The following DCAF1 variants were observed in gnomAD, a reference collection of about 807,000 sequenced individuals.
The protein encoded by DCAF1 is DDB1- and CUL4-associated factor 1.
DCAF1 carries 15 observed loss-of-function variants against 128.0 expected under a neutral mutation model. The observed-to-expected ratio is 0.12, with a 90% CI of 0.08 to 0.18. The LOEUF (loss-of-function observed/expected upper bound fraction) is 0.18. Ranked by LOEUF, DCAF1 falls within the 10% of genes least tolerant of loss-of-function variation. The pLI is 1.00. For missense variants in DCAF1, 988 were observed against 1,649.5 expected, an observed-to-expected ratio of 0.60 and a Z score of 6.95; for synonymous variants, 610 against 603.0, an observed-to-expected ratio of 1.01 and a Z score of -0.17.
intron 18 of DCAF1, among the ~76,000 whole-genome samples, chr3:51,416,451 A>C (rs1298828567): frequency 6.6e-6 from 1 of 152,164 alleles, no homozygotes; most frequent in Non-Finnish European, 1.5e-5. Context: ...TTTTCTCTGA[A>C]ACACTTACCA....
intron 6 of DCAF1, among the ~76,000 whole-genome samples, chr3:51,449,442 G>C (rs1461826607): frequency 6.6e-6 from 1 of 152,150 alleles, no homozygotes; most frequent in Non-Finnish European, 1.5e-5. Context: ...CCTGACCTCA[G>C]GTGATCCACT....
At position 51,419,751 on chromosome 3, in the gene DCAF1, C is replaced by T; in HGVS notation, c.3219G>A (p.Arg1073=). 10 of 1,611,570 alleles carry T rather than the reference C, an allele frequency of 6.2e-6. No homozygotes were observed. The highest frequency in any genetic ancestry group is 8.5e-6 in the Non-Finnish European group (10 of 1,178,404). The change falls in exon 15 of 25, where the codon AGG becomes AGA. Residue 1073 remains arginine (R), a synonymous_variant. Transcript: ENST00000684031. ...CTTCTTACCTGCTAAAGATAAGGTGCCTATCAAAGCATCCGCCATCCACCC... is the reference window on the plus strand; with the variant it reads ...CTTCTTACCTGCTAAAGATAAGGTGTCTATCAAAGCATCCGCCATCCACCC... ...YGGVDGGCFD[R]HLIFSRFRPI... is the part of the protein sequence containing the mutation.
At chr3:51,464,719 G>A (rs1324031520) in intron 5 of DCAF1, among the ~76,000 whole-genome samples, 1 of 151,858 alleles carries the variant, frequency 6.6e-6, no homozygotes, top group Non-Finnish European at 1.5e-5. Context: ...AGAGGTGACA[G>A]TTGGGAAAAC....
At chr3:51,471,328 C>A (rs1462854795) in intron 3 of DCAF1, among the ~76,000 whole-genome samples, 3 of 151,708 alleles carry the variant, frequency 2.0e-5, no homozygotes, top group African/African-American at 4.8e-5. Context: ...GGACTGCAGG[C>A]ACCCACCACC....
chr3:51,450,077 G>A (rs782328185), intron 6 of DCAF1, among the ~76,000 whole-genome samples: 51 of 152,192 alleles, frequency 3.4e-4, no homozygotes, highest in South Asian at 8.3e-4. Flanking sequence ...CGGGTATGGC[G>A]GCTTATGCCT....
In DCAF1 at chr3:51,438,065, T is replaced by C. The variant is rs375908237; in HGVS notation, c.1128+2905A>G. ...ATCTTAAAATTTTACTTATTACATA[T>C]TCATTCATTCTTTTCTGACTTCTGC... On this transcript the variant is annotated intron_variant, in intron 9 of 24. Coordinates refer to ENST00000684031, the MANE Select transcript of DCAF1 (RefSeq NM_001387579.1). 5 of 437,064 alleles carry C rather than the reference T, an allele frequency of 1.1e-5. 1 individual carries two copies. Among genetic ancestry groups the C allele is most frequent in the African/African-American group, 4.1e-5 (2 of 49,090 alleles). The allele number at this position is 437,064 out of a possible 1,614,324, so 27.1% of individuals were successfully genotyped here. A position where few individuals can be genotyped will look rare whatever the true frequency, so the allele number is the denominator to read the frequency against.
intron 6 of DCAF1, among the ~76,000 whole-genome samples, chr3:51,461,389 A>T (rs1195629247): frequency 6.6e-6 from 1 of 152,178 alleles, no homozygotes; most frequent in Non-Finnish European, 1.5e-5. Flanking sequence ...TTAGAATGGC[A>T]ATCATTAAAA....
intron 4 of DCAF1, among the ~76,000 whole-genome samples, chr3:51,469,610 C>G (rs1704516696): frequency 1.3e-5 from 2 of 152,146 alleles, no homozygotes; most frequent in Non-Finnish European, 2.9e-5. Flanking sequence ...ATGACTTCAG[C>G]TTTGCCCACT....
chr3:51,465,956 TG>T (rs1486486769), intron 5 of DCAF1, among the ~76,000 whole-genome samples: 1 of 152,136 alleles, frequency 6.6e-6, no homozygotes, highest in Non-Finnish European at 1.5e-5. Context: ...CCCAGCACTT[TG>T]GGAGGCCAAG....
At chr3:51,443,720 A>C in intron 7 of DCAF1, 46 bp downstream of exon 7, 1 of 1,530,122 alleles carries the variant, frequency 6.5e-7, no homozygotes, top group Non-Finnish European at 8.8e-7. Context: ...GAACCTGTGA[A>C]TACTCTCCCA....
At chr3:51,414,121 CT>C (rs1207344598) in intron 19 of DCAF1, 78 bp from the exon 20 acceptor site, 10 of 1,457,102 alleles carry the variant, frequency 6.9e-6, no homozygotes, top group Admixed American at 2.6e-5. Flanking sequence ...TAAAATATCA[CT>C]TTTTTTCCTC....
At chr3:51,437,323 A>G (rs1553637178) in intron 9 of DCAF1, 2 of 501,454 alleles carry the variant, frequency 4.0e-6, no homozygotes, top group Admixed American at 2.1e-5. Flanking sequence ...CAAACTCAGT[A>G]AAGGGAAATT....
At position 51,419,872 on chromosome 3, in the gene DCAF1, G is replaced by A. The variant is rs1553631744; in HGVS notation, c.3098C>T (p.Thr1033Ile). 2 of 1,614,066 alleles carry A rather than the reference G, an allele frequency of 1.2e-6. No individual in the cohort carries two copies. Among genetic ancestry groups the A allele is most frequent in the Non-Finnish European group, 1.7e-6 (2 of 1,179,916 alleles). The change falls in exon 15 of 25, where the codon ACT (threonine) becomes ATT (isoleucine). Residue 1033 changes from threonine (T) to isoleucine (I), a missense_variant. Coordinates refer to ENST00000684031, the MANE Select transcript of DCAF1 (RefSeq NM_001387579.1). ...VATCPPFSLF[T>I]PHQCPEPKQR... is the part of the protein sequence containing the mutation. ...TTTTGGCTCAGGACATTGGTGAGGA[G>A]TAAAGAGGGAGAAAGGTGGGCAGGT...
chr3:51,496,397 A>G lies in DCAF1; in HGVS notation c.-9+337T>C, dbSNP rs563913512. ...AGCCGAGATCGCGCCACTGCACTCC[A>G]GCTTGCACAACAAGAGCAAAGAAAA... is the stretch of plus-strand genomic sequence containing the variant. On this transcript the variant is annotated intron_variant, in intron 2 of 24. Coordinates refer to ENST00000684031, the MANE Select transcript of DCAF1 (RefSeq NM_001387579.1). 2.0e-5 allele frequency among the ~76,000 whole-genome samples: 3 copies of G among 152,302 alleles called. No individual in the cohort carries two copies. In the South Asian group the frequency reaches 6.2e-4, roughly 32 times the overall value.
chr3:51,440,107 C>G, intron 9 of DCAF1: 1 of 492,858 alleles, frequency 2.0e-6, no homozygotes, highest in South Asian at 1.5e-5. Flanking sequence ...CAACTGAGGC[C>G]ACCCCATGTC....
intron 23 of DCAF1, among the ~76,000 whole-genome samples, chr3:51,404,437 T>A (rs1222665791): frequency 2.0e-5 from 3 of 152,148 alleles, no homozygotes; most frequent in African/African-American, 7.2e-5. Flanking sequence ...TACTCAGTGG[T>A]TACATCTTTT....
At position 51,476,636 on chromosome 3, in the gene DCAF1, G is replaced by A. The variant is rs1559558880; in HGVS notation, c.111-5631C>T. On this transcript the variant is annotated intron_variant, in intron 3 of 24. Transcript: ENST00000684031. ...CTCACGCCTGTAATCCCAGCACTTT[G>A]GGAGGCTGAGGCGGGCAGATCACGA... 6.7e-5 allele frequency among the ~76,000 whole-genome samples: 10 copies of A among 149,610 alleles called. No homozygotes were observed. In the South Asian group the frequency reaches 1.9e-3, roughly 28 times the overall value.
At chr3:51,425,461 G>A (rs1469183213) in intron 13 of DCAF1, among the ~76,000 whole-genome samples, 1 of 150,308 alleles carries the variant, frequency 6.7e-6, no homozygotes, top group Non-Finnish European at 1.5e-5. Context: ...AACAGAGCAA[G>A]ACTCTGTCTC....
chr3:51,453,609 A>G (rs2107865549), intron 6 of DCAF1, among the ~76,000 whole-genome samples: 1 of 152,216 alleles, frequency 6.6e-6, no homozygotes, highest in East Asian at 1.9e-4. Flanking sequence ...GAAAGAAAAA[A>G]AAAAGATTTC....
Sources: allele counts gnomAD v4.1 joint callset (sites outside exome capture counted in the v4.1 genomes callset), GRCh38; gene constraint gnomAD v4.1.1; transcripts MANE v1.5; gene names NCBI Gene and HGNC (gene_info 2026-07-23, HGNC 2026-07-21).